Variants in GREB1 observed in about 807,000 individuals in gnomAD.
The protein encoded by GREB1 is growth regulating estrogen receptor binding 1, also known as protein GREB1.
GREB1 carries 106 observed loss-of-function variants against 200.7 expected under a neutral mutation model. That is an observed-to-expected ratio of 0.53 (90% confidence interval 0.45 to 0.62). The LOEUF is 0.62. GREB1 is among the 20% of genes least tolerant of loss of function. GREB1 has a pLI of 0.00. For synonymous variants in GREB1, 1,132 were observed against 1,092.4 expected (o/e 1.04, Z -0.72); for missense variants, 2,243 against 2,556.8 (o/e 0.88, Z 2.65).
chr2:11,551,481 C>G (rs1030290935), intron 1 of GREB1, among the ~76,000 whole-genome samples: 1 of 152,208 alleles, frequency 6.6e-6, no homozygotes, highest in Non-Finnish European at 1.5e-5. Flanking sequence ...TCTAGCTCTG[C>G]GGGTCCAGGG....
In GREB1 at chr2:11,615,282, G is replaced by C; in HGVS notation, c.3314G>C (p.Gly1105Ala). 6.3e-7 allele frequency: 1 copy of C among 1,584,880 alleles called. No homozygotes were observed. Among genetic ancestry groups the C allele is most frequent in the Non-Finnish European group, 8.6e-7 (1 of 1,164,480 alleles). The part of the protein sequence containing the change: ...SSTDNEDEEL[G>A]TEGSTSEKRS... ...ACAGACAACGAGGATGAGGAGCTGGGGACAGAAGGTGAGGGATGGCTGCCC... is the reference window on the plus strand; with the variant it reads ...ACAGACAACGAGGATGAGGAGCTGGCGACAGAAGGTGAGGGATGGCTGCCC... Residue 1105 changes from glycine (G) to alanine (A), a missense_variant, in exon 20 of 33, where the codon GGG becomes GCG. Gly to Ala is a moderately conservative substitution (Grantham distance 60, BLOSUM62 0). Around this residue, in one of 3 missense-constraint regions of GREB1, gnomAD observed 587 missense variants for 553.1 expected, o/e 1.06. Coordinates refer to ENST00000381486, the MANE Select transcript of GREB1 (RefSeq NM_014668.4).
intron 1 of GREB1, among the ~76,000 whole-genome samples, chr2:11,490,474 G>A (rs969727697): frequency 3.3e-5 from 5 of 152,160 alleles, no homozygotes; most frequent in African/African-American, 1.2e-4. Flanking sequence ...GGATGTTTGG[G>A]TTATTTCACT....
chr2:11,483,777 G>A (rs1372557642), intron 1 of GREB1, among the ~76,000 whole-genome samples: 1 of 149,630 alleles, frequency 6.7e-6, no homozygotes, highest in East Asian at 2.0e-4. Flanking sequence ...TGGGAGAGCC[G>A]CCATTCATGC....
chr2:11,607,625 T>TGTATAC (rs1682514137), intron 17 of GREB1, among the ~76,000 whole-genome samples: 1 of 137,966 alleles, frequency 7.2e-6, no homozygotes, highest in Non-Finnish European at 1.5e-5. Flanking sequence ...TATATGCATA[T>TGTATAC]ATATACATAT....
intron 1 of GREB1, among the ~76,000 whole-genome samples, chr2:11,498,745 G>A (rs1672953377): frequency 6.6e-6 from 1 of 152,196 alleles, no homozygotes; most frequent in African/African-American, 2.4e-5. Flanking sequence ...ACTGACCCAC[G>A]GGTGGAGCTG....
At chr2:11,605,132 C>T (rs1682133985) in intron 17 of GREB1, among the ~76,000 whole-genome samples, 1 of 128,206 alleles carries the variant, frequency 7.8e-6, no homozygotes, top group African/African-American at 2.7e-5. Context: ...AGCTGGGCAC[C>T]AGAGCCTGCT....
chr2:11,562,623 G>A (rs1677186782), intron 3 of GREB1, 41 bp downstream of exon 3: 1 of 1,540,166 alleles, frequency 6.5e-7, no homozygotes, highest in Middle Eastern at 1.8e-4. Context: ...TGCCTGCCAT[G>A]CTGCCCGGAG....
Position 11,610,929 on chromosome 2 carries a change from G to C in GREB1, c.2908G>C (p.Val970Leu). Residue 970 changes from valine to leucine, a missense_variant, in exon 18 of 33, where the codon GTG (valine) becomes CTG (leucine). Coordinates refer to ENST00000381486, the MANE Select transcript of GREB1 (RefSeq NM_014668.4). ...AVVAYERLAH[V>L]RARLALEEHF... ...GGTGGCCTATGAGCGGCTGGCCCAC[G>C]TGCGGGCCCGGCTGGCGCTGGAGGA... 1.2e-6 allele frequency: 2 copies of C among 1,611,750 alleles called. No homozygotes were observed. The highest frequency in any genetic ancestry group is 1.7e-6 in the Non-Finnish European group (2 of 1,179,358).
chr2:11,501,697 G>T (rs1312921274), intron 1 of GREB1, among the ~76,000 whole-genome samples: 1 of 151,910 alleles, frequency 6.6e-6, no homozygotes, highest in Non-Finnish European at 1.5e-5. Context: ...CCTGGCCAAG[G>T]TGCTGTTTTT....
chr2:11,592,740 A>G (rs1391584160), intron 10 of GREB1, 36 bp from the exon 11 acceptor site: 3 of 1,385,862 alleles, frequency 2.2e-6, no homozygotes, highest in Non-Finnish European at 2.9e-6. Context: ...TGCCGCTGGC[A>G]TTTGTGGCAG....
At position 11,610,708 on chromosome 2, in the gene GREB1, C is replaced by T. The variant is rs371609460; in HGVS notation, c.2687C>T (p.Ala896Val). The T allele has an allele frequency of 6.8e-6, 11 of 1,612,578 alleles. No individual in the cohort carries two copies. The highest frequency in any genetic ancestry group is 2.2e-5 in the East Asian group (1 of 44,882). ...TGCAGGTTCCCCCGCCTGCACAGCG[C>T]GGTGATCAGGACCTTTGTTCTCGTG... is the stretch of plus-strand genomic sequence containing the variant. ...LGKRFPRLHS[A>V]VIRTFVLVQH... The change falls in exon 18 of 33, where the codon GCG (alanine) becomes GTG (valine). Residue 896 changes from alanine to valine, a missense_variant. Ala to Val is a moderately conservative substitution (Grantham distance 64, BLOSUM62 0). This residue lies in a region of GREB1 where 1,178 missense variants were observed against 1,387.4 expected (regional missense o/e 0.85). Transcript: ENST00000381486.
chr2:11,576,307 CAAA>C (rs368045289), intron 4 of GREB1, 43 bp from the exon 5 acceptor site: 124 of 1,188,090 alleles, frequency 1.0e-4, no homozygotes, highest in South Asian at 1.7e-4. Context: ...GACTTCATCT[CAAA>C]AAAAAAAAAA....
intron 1 of GREB1, among the ~76,000 whole-genome samples, chr2:11,495,470 G>A (rs530026116): frequency 9.5e-4 from 144 of 152,100 alleles, no homozygotes; most frequent in African/African-American, 3.2e-3. Context: ...ATGGCCTCAA[G>A]GAAGTTTTCT....
At chr2:11,586,000 C>A in intron 9 of GREB1, 95 bp downstream of exon 9, 1 of 1,295,706 alleles carries the variant, frequency 7.7e-7, no homozygotes, top group Admixed American at 1.7e-5. Context: ...GGTCTGACTC[C>A]AAGGGTATCC....
At chr2:11,610,275 T>G (rs1682800057) in intron 17 of GREB1, among the ~76,000 whole-genome samples, 2 of 152,212 alleles carry the variant, frequency 1.3e-5, no homozygotes, top group South Asian at 4.1e-4. Context: ...ATTTCCATAT[T>G]GATTGCTGGT....
In GREB1 at chr2:11,498,564, G is replaced by A. The variant is rs905518800; in HGVS notation, c.-159+16183G>A. On this transcript the variant is annotated intron_variant, in intron 1 of 2. Coordinates refer to the GREB1 transcript ENST00000628795. ...AAAGAGTGTTCAGCTTCGGGACACC[G>A]TGAGTCAGAACTGGGGGGCAGTGAG... Among the ~76,000 whole-genome samples, 11 of 152,200 alleles carry A rather than the reference G, an allele frequency of 7.2e-5. No individual in the cohort carries two copies. The East Asian group carries it at 7.7e-4, about 11-fold the overall frequency.
chr2:11,581,731 C>T (rs1473910521), intron 7 of GREB1, among the ~76,000 whole-genome samples: 1 of 152,196 alleles, frequency 6.6e-6, no homozygotes, highest in Admixed American at 6.5e-5. Context: ...TCTAAGACAT[C>T]AAACTGGAGG....
intron 1 of GREB1, among the ~76,000 whole-genome samples, chr2:11,552,454 A>G (rs1351518034): frequency 6.6e-6 from 1 of 152,206 alleles, no homozygotes; most frequent in Non-Finnish European, 1.5e-5. Flanking sequence ...TCCATGCGGC[A>G]TTTGGGAGGA....
intron 1 of GREB1, among the ~76,000 whole-genome samples, chr2:11,506,234 T>C (rs1380301151): frequency 1.3e-5 from 2 of 152,200 alleles, no homozygotes; most frequent in Non-Finnish European, 2.9e-5. Flanking sequence ...TGGTTGAGTA[T>C]AGATGCTGGA....
Sources: gnomAD v4.1 joint callset for allele counts (sites outside exome capture counted in the v4.1 genomes callset) on GRCh38, gnomAD v4.1.1 for gene constraint, gnomAD v4.1.1 regional missense constraint, MANE v1.5 for transcripts, NCBI Gene and HGNC (gene_info 2026-07-23, HGNC 2026-07-21) for gene names.